The following ASB4 variants were observed in gnomAD, a reference collection of about 807,000 sequenced individuals.
ASB4 encodes ankyrin repeat and SOCS box containing 4.
In ASB4, 35 loss-of-function variants were observed where a neutral mutation model predicts 38.6. The observed-to-expected ratio is 0.91, with a 90% CI of 0.69 to 1.20. The LOEUF is 1.20. Ranked by LOEUF, ASB4 falls within the 50% of genes most tolerant of loss-of-function variation. ASB4 has a pLI of 0.00. For missense variants in ASB4, 557 were observed against 527.2 expected (o/e 1.06, Z -0.55); for synonymous variants, 195 against 201.3 (o/e 0.97, Z 0.26).
chr7:95,528,434 C>A, intron 3 of ASB4, 131 bp downstream of exon 3: 1 of 1,501,386 alleles, frequency 6.7e-7, no homozygotes, highest in Non-Finnish European at 8.9e-7. Flanking sequence ...CTTTGACCTT[C>A]CATTACATAC....
In ASB4 at chr7:95,511,856, A is replaced by G. The variant is rs184950073; in HGVS notation, c.487+15799A>G. Among the ~76,000 whole-genome samples, 189 of 152,262 alleles carry G rather than the reference A, an allele frequency of 1.2e-3. 2 individuals carry two copies. The highest frequency in any genetic ancestry group is 4.4e-3 in the African/African-American group (181 of 41,558). On this transcript the variant is annotated intron_variant, in intron 2 of 4. Transcript: ENST00000325885. Reference sequence around the variant, plus strand: ...GTTTTGACTGCAGTGACCTCAATACAGAGCTCTCGTTTTGTCCACTAGGTG... The same window carrying G: ...GTTTTGACTGCAGTGACCTCAATACGGAGCTCTCGTTTTGTCCACTAGGTG...
chr7:95,527,881 G>A lies in ASB4; in HGVS notation c.556G>A (p.Gly186Ser), dbSNP rs1257948774. The A allele has an allele frequency of 4.3e-6, 7 of 1,613,680 alleles. No homozygotes were observed. The highest frequency in any genetic ancestry group is 1.1e-5 in the South Asian group (1 of 91,070). The change falls in exon 3 of 5, where the codon GGC becomes AGC. Residue 186 changes from glycine to serine, a missense_variant. Physicochemically the swap from Gly to Ser is moderately conservative, Grantham distance 56. Transcript: ENST00000325885. ...GCCCTTGCACACGGCTGCCCACTTC[G>A]GCCTTTCGGAGCTGGTGGCCTTCTA... Reference protein sequence around the residue: ...ETPLHTAAHFGLSELVAFYVE... With the variant: ...ETPLHTAAHFSLSELVAFYVE...
At chr7:95,541,586 A>G (rs1282336912), downstream of ASB4, among the ~76,000 whole-genome samples, 3 of 152,196 alleles carry the variant, frequency 2.0e-5, no homozygotes. Context: ...GATAGGGAGT[A>G]GGGATAGAAA....
chr7:95,522,440 A>C (rs1790676912), intron 2 of ASB4, among the ~76,000 whole-genome samples: 1 of 152,204 alleles, frequency 6.6e-6, no homozygotes, highest in South Asian at 2.1e-4. Flanking sequence ...ATCTTTCCTA[A>C]ATATTAACAT....
At chr7:95,488,121 C>T (rs1790118306) in intron 1 of ASB4, among the ~76,000 whole-genome samples, 1 of 152,172 alleles carries the variant, frequency 6.6e-6, no homozygotes, top group Non-Finnish European at 1.5e-5. Flanking sequence ...GTGGGCTGAT[C>T]ACGAGGTCAG....
At chr7:95,488,776 C>A (rs1265778769) in intron 1 of ASB4, among the ~76,000 whole-genome samples, 1 of 152,174 alleles carries the variant, frequency 6.6e-6, no homozygotes, top group Non-Finnish European at 1.5e-5. Context: ...TTACTTTTCA[C>A]AAAATAACAA....
At chr7:95,549,191 T>A in the ASB4 span, among the ~76,000 whole-genome samples, 1 of 152,048 alleles carries the variant, frequency 6.6e-6, no homozygotes, top group Admixed American at 6.6e-5. Context: ...AGAGTGCACT[T>A]GATAACTACA....
rs758067988 is a variant in ASB4 at position 95,538,046 on chromosome 7, C to T, written c.*287C>T. On this transcript the variant is annotated 3_prime_UTR_variant, in exon 5 of 5. Transcript: ENST00000325885. ...AAGTACCTGAAATATTTTTGTAAAACTTCTTATATCTTATCTCATCTGAAA... is the reference window on the plus strand; with the variant it reads ...AAGTACCTGAAATATTTTTGTAAAATTTCTTATATCTTATCTCATCTGAAA... 4.2e-5 allele frequency: 11 copies of T among 263,720 alleles called. No homozygotes were observed. Among genetic ancestry groups the T allele is most frequent in the Non-Finnish European group, 7.9e-5 (11 of 139,322 alleles). 16.3% of individuals were successfully genotyped at this position (263,720 alleles called of 1,614,324 possible).
chr7:95,550,512 A>C, the ASB4 span, among the ~76,000 whole-genome samples: 6 of 152,236 alleles, frequency 3.9e-5, no homozygotes, highest in African/African-American at 1.4e-4. Flanking sequence ...TCAAAAGCAA[A>C]CCTGAAACTG....
chr7:95,541,678 C>T (rs73428081), downstream of ASB4, among the ~76,000 whole-genome samples: 20,443 of 152,020 alleles, frequency 0.13, 1,478 homozygotes, highest in African/African-American at 0.15. Flanking sequence ...GTAAAATAGA[C>T]GCAATGATCT....
At chr7:95,487,892 T>G (rs1790114995) in intron 1 of ASB4, among the ~76,000 whole-genome samples, 1 of 152,218 alleles carries the variant, frequency 6.6e-6, no homozygotes, top group Non-Finnish European at 1.5e-5. Flanking sequence ...TTTGTGGTCT[T>G]ACTTTTAGGG....
At chr7:95,508,365 G>A (rs1008822970) in intron 2 of ASB4, among the ~76,000 whole-genome samples, 3 of 152,058 alleles carry the variant, frequency 2.0e-5, no homozygotes, top group African/African-American at 7.2e-5. Context: ...GAAGTGAAGA[G>A]AGTTGAGAGT....
At chr7:95,528,440 C>T in intron 3 of ASB4, 137 bp downstream of exon 3, 1 of 1,493,082 alleles carries the variant, frequency 6.7e-7, no homozygotes, top group South Asian at 1.4e-5. Flanking sequence ...CCTTCCATTA[C>T]ATACCTAATC....
rs1446029621 is a variant in ASB4, at chr7:95,537,581, A to AT, written c.1108dup (p.Tyr370LeufsTer10). 2 of 1,592,902 alleles carry AT rather than the reference A, an allele frequency of 1.3e-6. No homozygotes were observed. The highest frequency in any genetic ancestry group is 1.3e-5 in the African/African-American group (1 of 74,404). On this transcript the variant is annotated frameshift_variant, in exon 5 of 5. Transcript: ENST00000325885. ...TGCCTTCCTTTTCAGAAATACTGGG[A>AT]TTTTTACCACTCTCTCTTTACTGTG... is the stretch of plus-strand genomic sequence containing the variant.
At chr7:95,529,037 T>C (rs1251810491) in intron 3 of ASB4, among the ~76,000 whole-genome samples, 4 of 152,136 alleles carry the variant, frequency 2.6e-5, no homozygotes, top group Non-Finnish European at 4.4e-5. Context: ...TAGGGACCAG[T>C]TGCTACCAGT....
intron 3 of ASB4, among the ~76,000 whole-genome samples, chr7:95,529,808 ACT>A (rs1224984245): frequency 1.3e-5 from 2 of 152,062 alleles, no homozygotes; most frequent in African/African-American, 4.8e-5. Context: ...TTTATAATGG[ACT>A]CTGAGGTGGG....
intron 2 of ASB4, among the ~76,000 whole-genome samples, chr7:95,520,000 A>G (rs1790638338): frequency 6.6e-6 from 1 of 152,238 alleles, no homozygotes; most frequent in Admixed American, 6.5e-5. Flanking sequence ...CTTCATCTAA[A>G]AAACATGCCT....
the ASB4 span, among the ~76,000 whole-genome samples, chr7:95,473,129 GA>G: frequency 1.3e-5 from 2 of 152,038 alleles, no homozygotes; most frequent in Admixed American, 6.6e-5. Context: ...AACTAGGAGA[GA>G]AAAAAAGTCA....
At chr7:95,477,383 A>G (rs972789781), upstream of ASB4, among the ~76,000 whole-genome samples, 1 of 152,244 alleles carries the variant, frequency 6.6e-6, no homozygotes, top group Non-Finnish European at 1.5e-5. Context: ...GTATATAGTT[A>G]TCACATCAAA....
Sources: allele counts gnomAD v4.1 joint callset (sites outside exome capture counted in the v4.1 genomes callset), GRCh38; gene constraint gnomAD v4.1.1; transcripts MANE v1.5; gene names NCBI Gene and HGNC (gene_info 2026-07-23, HGNC 2026-07-21).